The following CSMD1 variants were observed in gnomAD, a reference collection of about 807,000 sequenced individuals.
CSMD1 encodes CUB and Sushi multiple domains 1.
In CSMD1, 213 loss-of-function variants were observed where a neutral mutation model predicts 417.5. The ratio of observed to expected loss-of-function variants is 0.51; its 90% CI spans 0.46 to 0.57. The LOEUF (loss-of-function observed/expected upper bound fraction) is 0.57. CSMD1 is among the 20% of genes least tolerant of loss of function. CSMD1 has a pLI of 0.00. For missense variants in CSMD1, 6,923 were observed against 4,529.7 expected (o/e 1.53, Z -15.17); for synonymous variants, 2,862 against 1,736.8 (o/e 1.65, Z -16.11).
At chr8:4,412,164 T>C (rs939115292) in intron 3 of CSMD1, among the ~76,000 whole-genome samples, 7 of 152,144 alleles carry the variant, frequency 4.6e-5, no homozygotes, top group Admixed American at 4.6e-4. Context: ...GCCTCTGATA[T>C]AGTTCGGATA....
In CSMD1 at chr8:3,862,092, A is replaced by T. The variant is rs572002358; in HGVS notation, c.819-108050T>A. 2.4e-4 allele frequency among the ~76,000 whole-genome samples: 36 copies of T among 152,302 alleles called. No homozygotes were observed. The South Asian group carries it at 7.5e-3, about 32-fold the overall frequency. ...GTGCCTTTCTTTTTGCCATCAGTGA[A>T]AATACACTATCATTTTTTTCAACTT... On this transcript the variant is annotated intron_variant, in intron 5 of 69. Transcript: ENST00000635120.
intron 1 of CSMD1, among the ~76,000 whole-genome samples, chr8:4,836,412 C>G (rs966261090): frequency 6.6e-6 from 1 of 152,176 alleles, no homozygotes; most frequent in Non-Finnish European, 1.5e-5. Context: ...GGATTGTTAT[C>G]ACCAGCCAGG....
intron 50 of CSMD1, among the ~76,000 whole-genome samples, chr8:3,032,402 C>T (rs911362603): frequency 1.3e-5 from 2 of 151,940 alleles, no homozygotes; most frequent in Non-Finnish European, 2.9e-5. Context: ...CCATGCACCC[C>T]TGCGTTCATA....
At chr8:4,462,907 A>T (rs774648230) in intron 2 of CSMD1, among the ~76,000 whole-genome samples, 1 of 152,228 alleles carries the variant, frequency 6.6e-6, no homozygotes, top group Admixed American at 6.5e-5. Context: ...GATGTTAAGC[A>T]AAGTCTTCTT....
intron 5 of CSMD1, among the ~76,000 whole-genome samples, chr8:3,779,184 T>C (rs150108680): frequency 2.0e-5 from 3 of 148,802 alleles, no homozygotes; most frequent in African/African-American, 7.4e-5. Context: ...TGTGTGTGTG[T>C]ATGTGCAGTA....
intron 2 of CSMD1, among the ~76,000 whole-genome samples, chr8:4,610,668 T>G (rs1478274): frequency 6.6e-6 from 1 of 152,044 alleles, no homozygotes; most frequent in Non-Finnish European, 1.5e-5. Flanking sequence ...ATTCATCCCA[T>G]GAATTAGTTT....
chr8:3,228,411 A>G (rs1476157460), intron 27 of CSMD1, among the ~76,000 whole-genome samples: 1 of 152,198 alleles, frequency 6.6e-6, no homozygotes, highest in Non-Finnish European at 1.5e-5. Flanking sequence ...ATTTCCAATT[A>G]TATATTTTCC....
chr8:3,648,658 T>C (rs1264116406), intron 7 of CSMD1, among the ~76,000 whole-genome samples: 2 of 152,192 alleles, frequency 1.3e-5, no homozygotes, highest in Admixed American at 6.5e-5. Context: ...CTGACCTTAC[T>C]TTGAAACATA....
chr8:4,425,441 A>T (rs896277908), intron 2 of CSMD1, among the ~76,000 whole-genome samples: 2 of 151,750 alleles, frequency 1.3e-5, no homozygotes, highest in Non-Finnish European at 2.9e-5. Flanking sequence ...GGATGAGTGG[A>T]TCCAATTGAT....
At chr8:3,564,782 G>C (rs1352836252) in intron 10 of CSMD1, among the ~76,000 whole-genome samples, 2 of 151,936 alleles carry the variant, frequency 1.3e-5, no homozygotes, top group African/African-American at 4.8e-5. Context: ...TCTTGAAAGG[G>C]GTGATGACAG....
intron 5 of CSMD1, among the ~76,000 whole-genome samples, chr8:3,828,700 C>G (rs1048635835): frequency 1.3e-5 from 2 of 152,106 alleles, no homozygotes; most frequent in Admixed American, 6.5e-5. Context: ...TGCTTATTGG[C>G]CTCCCTAGTT....
chr8:3,153,584 T>C (rs141361684), intron 39 of CSMD1, among the ~76,000 whole-genome samples: 39 of 152,326 alleles, frequency 2.6e-4, no homozygotes, highest in African/African-American at 8.9e-4. Context: ...GTGGTATTAC[T>C]AAAAAGTTCC....
At chr8:2,957,076 G>C (rs1019753842) in intron 63 of CSMD1, among the ~76,000 whole-genome samples, 1 of 152,032 alleles carries the variant, frequency 6.6e-6, no homozygotes, top group African/African-American at 2.4e-5. Context: ...AATTCAGAGT[G>C]AGTGAAATGA....
At position 3,399,547 on chromosome 8, in the gene CSMD1, A is replaced by G. The variant is rs548817904; in HGVS notation, c.2267-18T>C. The G allele has an allele frequency of 8.3e-6, 13 of 1,565,700 alleles. No individual in the cohort carries two copies. The highest frequency in any genetic ancestry group is 2.3e-5 in the East Asian group (1 of 43,702). On this transcript the variant is annotated intron_variant, in intron 15 of 69. Transcript: ENST00000635120. ...ACATGGAGCTAAAACAAGACGTAGAATATCTATTAGATCCAATGAGACAGA... is the reference window on the plus strand; with the variant it reads ...ACATGGAGCTAAAACAAGACGTAGAGTATCTATTAGATCCAATGAGACAGA...
chr8:3,783,914 G>A (rs968160199), intron 5 of CSMD1, among the ~76,000 whole-genome samples: 53 of 704 alleles, frequency 0.075, no homozygotes, highest in African/African-American at 0.085. Context: ...GCTGGAGCTG[G>A]GCTGCAGTTT....
chr8:3,067,292 G>T (rs947711969), intron 49 of CSMD1, among the ~76,000 whole-genome samples: 6 of 151,986 alleles, frequency 3.9e-5, no homozygotes, highest in Non-Finnish European at 7.4e-5. Flanking sequence ...ATTACCAGAC[G>T]CTCTCACTTC....
chr8:3,293,987 C>T (rs575478523), intron 25 of CSMD1, among the ~76,000 whole-genome samples: 23 of 151,480 alleles, frequency 1.5e-4, no homozygotes, highest in South Asian at 6.3e-4. Flanking sequence ...ATGATGATGA[C>T]GTACAGATGG....
chr8:3,237,540 T>G (rs1799224055), intron 26 of CSMD1, among the ~76,000 whole-genome samples: 1 of 146,416 alleles, frequency 6.8e-6, no homozygotes. Context: ...TATTTATATA[T>G]TATATAAATA....
intron 12 of CSMD1, among the ~76,000 whole-genome samples, chr8:3,431,312 A>G (rs1814204615): frequency 6.6e-6 from 1 of 151,744 alleles, no homozygotes; most frequent in Non-Finnish European, 1.5e-5. Flanking sequence ...AACCCTGCAT[A>G]CTCTCCTCTG....
Sources: gnomAD v4.1 joint callset for allele counts (sites outside exome capture counted in the v4.1 genomes callset) on GRCh38, gnomAD v4.1.1 for gene constraint, MANE v1.5 for transcripts, NCBI Gene and HGNC (gene_info 2026-07-23, HGNC 2026-07-21) for gene names.